The following WNT6 variants were observed in gnomAD, a reference collection of about 807,000 sequenced individuals.
The protein encoded by WNT6 is Wnt family member 6, also known as protein Wnt-6.
In WNT6, 27 loss-of-function variants were observed where a neutral mutation model predicts 33.1. The ratio of observed to expected loss-of-function variants is 0.82; its 90% CI spans 0.60 to 1.12. The LOEUF is 1.12. Ranked by LOEUF, WNT6 falls within the 50% of genes most tolerant of loss-of-function variation. The pLI is 0.00. For synonymous variants in WNT6, 249 were observed against 242.8 expected (o/e 1.03, Z -0.24); for missense variants, 494 against 535.3 (o/e 0.92, Z 0.76).
rs1176164524 is a variant in WNT6, at chr2:218,871,533, G to C, written c.350G>C (p.Ser117Thr). The change falls in exon 3 of 4, where the codon AGC becomes ACC. Residue 117 changes from serine (S) to threonine (T), a missense_variant. Coordinates refer to ENST00000233948, the MANE Select transcript of WNT6 (RefSeq NM_006522.4). The surrounding 1 kb of genome is among the most constrained non-coding windows in gnomAD (Gnocchi z 6.4). ...FVFAITAAGA[S>T]HAVTQACSMG... ...TTCGCCATCACTGCGGCCGGCGCCA[G>C]CCACGCCGTCACGCAGGCCTGTTCT... is the stretch of plus-strand genomic sequence containing the variant. 3.1e-6 allele frequency: 5 copies of C among 1,598,318 alleles called. No homozygotes were observed. In the South Asian group the frequency reaches 5.5e-5, roughly 18 times the overall value.
chr2:218,870,729 T>C (rs557051649), intron 1 of WNT6, among the ~76,000 whole-genome samples: 1 of 152,400 alleles, frequency 6.6e-6, no homozygotes, highest in South Asian at 2.1e-4. Context: ...ACTTACCTGA[T>C]GCCAGCTGCC....
chr2:218,860,593 G>A (rs1376865719), intron 1 of WNT6, among the ~76,000 whole-genome samples: 2 of 152,108 alleles, frequency 1.3e-5, no homozygotes, highest in African/African-American at 4.8e-5. Context: ...CCTTAGTGAC[G>A]ACAGAGGGAA....
Position 218,871,429 on chromosome 2 carries a change from C to A in WNT6, c.302-56C>A, listed in dbSNP as rs1451797576. On this transcript the variant is annotated intron_variant, in intron 2 of 3. Coordinates refer to ENST00000233948, the MANE Select transcript of WNT6 (RefSeq NM_006522.4). This position sits in a 1 kb window ranked among gnomAD's most constrained non-coding sequence, Gnocchi z 6.4. ...GCCCTCCCGCCGCAGGTTTCAGGTC[C>A]CAGGCCCCAGCTGACCGCCCCAGCC... The A allele has an allele frequency of 3.8e-6, 6 of 1,570,038 alleles. No individual in the cohort carries two copies. The East Asian group carries it at 1.1e-4, about 29-fold the overall frequency.
intron 1 of WNT6, among the ~76,000 whole-genome samples, chr2:218,864,897 G>A (rs1472160361): frequency 1.3e-5 from 2 of 152,254 alleles, no homozygotes; most frequent in South Asian, 2.1e-4. Context: ...CTCCAGGGTG[G>A]GGTGTGAAAG....
chr2:218,861,671 T>G (rs919597194), intron 1 of WNT6, among the ~76,000 whole-genome samples: 12 of 152,158 alleles, frequency 7.9e-5, no homozygotes, highest in African/African-American at 2.9e-4. Flanking sequence ...AACTTTGCCC[T>G]TTTTCAAGGT....
chr2:218,870,914 TG>T, intron 1 of WNT6, 112 bp from the exon 2 acceptor site: 1 of 950,714 alleles, frequency 1.1e-6, no homozygotes, highest in Non-Finnish European at 1.6e-6. Context: ...GGAGGTAGGG[TG>T]GGAGGGCATG....
At chr2:218,860,822 C>T (rs113789188) in intron 1 of WNT6, among the ~76,000 whole-genome samples, 10,256 of 146,712 alleles carry the variant, frequency 0.07, 483 homozygotes, top group African/African-American at 0.14. Context: ...GGCGTCTTCC[C>T]AGGCTTGGCC....
In WNT6 at chr2:218,873,712, T is replaced by G; in HGVS notation, c.965T>G (p.Leu322Arg). 6.3e-7 allele frequency: 1 copy of G among 1,575,234 alleles called. No homozygotes were observed. The highest frequency in any genetic ancestry group is 8.6e-7 in the Non-Finnish European group (1 of 1,167,226). Residue 322 changes from leucine to arginine, a missense_variant, in exon 4 of 4, where the codon CTG becomes CGG. Coordinates refer to ENST00000233948, the MANE Select transcript of WNT6 (RefSeq NM_006522.4). This position sits in a 1 kb window ranked among gnomAD's most constrained non-coding sequence, Gnocchi z 6.1. ...GCCCCGGACCTCAGCGGCTGCGACCTGCTGTGCTGCGGCCGCGGGCACCGC... is the reference window on the plus strand; with the variant it reads ...GCCCCGGACCTCAGCGGCTGCGACCGGCTGTGCTGCGGCCGCGGGCACCGC... ...SSAPDLSGCD[L>R]LCCGRGHRQE...
At chr2:218,860,403 C>A (rs1279227342) in intron 1 of WNT6, among the ~76,000 whole-genome samples, 1 of 152,160 alleles carries the variant, frequency 6.6e-6, no homozygotes, top group Non-Finnish European at 1.5e-5. Flanking sequence ...TTCGGGAAGA[C>A]ACATATCCGA....
At position 218,873,778 on chromosome 2, in the gene WNT6, TC is replaced by T; in HGVS notation, c.1033del (p.His345ThrfsTer5). 1 of 1,587,844 alleles carries T rather than the reference TC, an allele frequency of 6.3e-7. No individual in the cohort carries two copies. Among genetic ancestry groups the T allele is most frequent in the Non-Finnish European group, 8.5e-7 (1 of 1,173,322 alleles). On this transcript the variant is annotated frameshift_variant, in exon 4 of 4. Coordinates refer to ENST00000233948, the MANE Select transcript of WNT6 (RefSeq NM_006522.4). LOFTEE classifies it high-confidence loss of function. This position sits in a 1 kb window ranked among gnomAD's most constrained non-coding sequence, Gnocchi z 6.1. ...VQLEENCLCR[F>X]HWCCVVQCHR... ...CTCGAAGAGAACTGCCTGTGCCGCT[TC>T]CACTGGTGCTGCGTAGTACAGTGCC...
intron 1 of WNT6, among the ~76,000 whole-genome samples, chr2:218,866,322 C>A (rs688252): frequency 1.3e-3 from 201 of 152,284 alleles, no homozygotes; most frequent in African/African-American, 4.5e-3. Flanking sequence ...TCCCTTTGGC[C>A]TCAGTGATCC....
rs200973144 is a variant in WNT6 at position 218,871,083 on chromosome 2, G to A, written c.137G>A (p.Arg46Gln). The stretch of plus-strand genomic sequence containing the variant: ...ACCAGCATCTGCAGGAAGGCACGGC[G>A]GCTGGCCGGGCGGCAGGCCGAGTTG... Reference protein sequence around the residue: ...DPTSICRKARRLAGRQAELCQ... With the variant: ...DPTSICRKARQLAGRQAELCQ... Residue 46 changes from arginine (R) to glutamine (Q), a missense_variant, in exon 2 of 4, where the codon CGG (arginine) becomes CAG (glutamine). By Grantham distance (43) the Arg-to-Gln change is conservative. Transcript: ENST00000233948. The surrounding 1 kb of genome is among the most constrained non-coding windows in gnomAD (Gnocchi z 6.4). The A allele has an allele frequency of 4.3e-6, 7 of 1,613,418 alleles. No homozygotes were observed. The highest frequency in any genetic ancestry group is 5.9e-6 in the Non-Finnish European group (7 of 1,179,756).
chr2:218,864,678 T>G (rs1196014483), intron 1 of WNT6, among the ~76,000 whole-genome samples: 3 of 149,850 alleles, frequency 2.0e-5, no homozygotes, highest in African/African-American at 7.4e-5. Context: ...CCCACCCCCC[T>G]CCTGGAAAAG....
rs1313381055 is a variant in WNT6, at chr2:218,871,932, A to T, written c.636+113A>T. 31 of 287,252 alleles carry T rather than the reference A, an allele frequency of 1.1e-4. 1 individual carries two copies. The highest frequency in any genetic ancestry group is 1.7e-4 in the Non-Finnish European group (29 of 167,836). The allele number at this position is 287,252 out of a possible 1,614,324, so 17.8% of individuals were successfully genotyped here. A position where few individuals can be genotyped will look rare whatever the true frequency, so the allele number is the denominator to read the frequency against. The stretch of plus-strand genomic sequence containing the variant: ...GGTGTGTAGGTGGAGGGGGGCGTTA[A>T]TGTGTGGGGGAGTGCGCACGGGCGG... On this transcript the variant is annotated intron_variant, in intron 3 of 3. Transcript: ENST00000233948. This position sits in a 1 kb window ranked among gnomAD's most constrained non-coding sequence, Gnocchi z 6.4.
chr2:218,871,457 C>T lies in WNT6; in HGVS notation c.302-28C>T. 1.3e-6 allele frequency: 2 copies of T among 1,593,198 alleles called. 1 individual carries two copies. Among genetic ancestry groups the T allele is most frequent in the South Asian group, 2.2e-5 (2 of 90,346 alleles). On this transcript the variant is annotated intron_variant, in intron 2 of 3. Coordinates refer to ENST00000233948, the MANE Select transcript of WNT6 (RefSeq NM_006522.4). This position sits in a 1 kb window ranked among gnomAD's most constrained non-coding sequence, Gnocchi z 6.4. Reference sequence around the variant, plus strand: ...GGCCCCAGCTGACCGCCCCAGCCCGCGCTGATTGCACCTGTCTGCATTCAC... The same window carrying T: ...GGCCCCAGCTGACCGCCCCAGCCCGTGCTGATTGCACCTGTCTGCATTCAC...
At chr2:218,861,564 A>C (rs1401174086) in intron 1 of WNT6, among the ~76,000 whole-genome samples, 1 of 152,140 alleles carries the variant, frequency 6.6e-6, no homozygotes, top group Non-Finnish European at 1.5e-5. Context: ...TCTCCTGGCC[A>C]GGGTCCCCAG....
chr2:218,860,230 GCTTT>G, intron 1 of WNT6, 113 bp downstream of exon 1: 1 of 1,065,960 alleles, frequency 9.4e-7, no homozygotes, highest in Non-Finnish European at 1.2e-6. Context: ...TCCGAGCCCA[GCTTT>G]CTGGCCTCGG....
intron 1 of WNT6, among the ~76,000 whole-genome samples, chr2:218,864,805 G>A (rs1314741640): frequency 6.6e-6 from 1 of 152,168 alleles, no homozygotes. Flanking sequence ...ACCCAGGCTG[G>A]GCCTGACCAC....
chr2:218,870,911 G>C (rs905441814), intron 1 of WNT6, 116 bp from the exon 2 acceptor site: 6 of 921,110 alleles, frequency 6.5e-6, no homozygotes, highest in Non-Finnish European at 1.0e-5. Flanking sequence ...TTTGGAGGTA[G>C]GGTGGGAGGG....
Sources: gnomAD v4.1 joint callset for allele counts (sites outside exome capture counted in the v4.1 genomes callset) on GRCh38, gnomAD v4.1.1 for gene constraint, Gnocchi (gnomAD v3.1) non-coding constraint, MANE v1.5 for transcripts, NCBI Gene and HGNC (gene_info 2026-07-23, HGNC 2026-07-21) for gene names.